Variants in FAAH2 observed in about 807,000 individuals in gnomAD.
FAAH2 encodes the protein fatty-acid amide hydrolase 2.
In FAAH2, 60 loss-of-function variants were observed where a neutral mutation model predicts 36.9. That is an observed-to-expected ratio of 1.63 (90% CI 1.32 to 2.02). The LOEUF is 2.02. Ranked by LOEUF, FAAH2 falls within the 30% of genes most tolerant of loss-of-function variation. The pLI is 0.00. For synonymous variants in FAAH2, 214 were observed against 143.8 expected, an observed-to-expected ratio of 1.49 and a Z score of -3.49; for missense variants, 689 against 397.5, an observed-to-expected ratio of 1.73 and a Z score of -6.23.
intron 3 of FAAH2, among the ~76,000 whole-genome samples, chrX:57,325,235 G>A (rs762810632): frequency 6.3e-5 from 7 of 111,831 alleles, no homozygotes; most frequent in Admixed American, 9.5e-5. Flanking sequence ...GCTGGATTCA[G>A]TTTGCCAGTA....
chrX:57,181,513 C>A, the FAAH2 span, among the ~76,000 whole-genome samples: 2 of 111,290 alleles, frequency 1.8e-5, no homozygotes, highest in Non-Finnish European at 3.8e-5. Flanking sequence ...CCTAGGCATA[C>A]AGCTAACCAG....
At chrX:57,444,100 A>C (rs1199294940) in intron 8 of FAAH2, among the ~76,000 whole-genome samples, 1 of 111,930 alleles carries the variant, frequency 8.9e-6, no homozygotes. Flanking sequence ...CTCAGATCTC[A>C]AACTGCATGC....
chrX:57,292,533 C>G lies in FAAH2; in HGVS notation c.228C>G (p.Asn76Lys). Reference sequence around the variant, plus strand: ...TAGATGTTGTTCAGGCTTATATCAACAGAATCAAGGACGTGAACCCAATGA... The same window carrying G: ...TAGATGTTGTTCAGGCTTATATCAAGAGAATCAAGGACGTGAACCCAATGA... ...KCIDVVQAYI[N>K]RIKDVNPMIN... is the part of the protein sequence containing the mutation. Residue 76 changes from asparagine (N) to lysine (K), a missense_variant, in exon 2 of 11, where the codon AAC becomes AAG. By Grantham distance (94) the Asn-to-Lys change is moderately conservative. Transcript: ENST00000374900. The G allele has an allele frequency of 1.7e-6, 2 of 1,210,000 alleles. No homozygotes were observed. The highest frequency in any genetic ancestry group is 1.7e-5 in the African/African-American group (1 of 57,780).
At chrX:57,336,950 T>C (rs2147033714) in intron 4 of FAAH2, among the ~76,000 whole-genome samples, 1 of 77,793 alleles carries the variant, frequency 1.3e-5, no homozygotes, top group African/African-American at 4.8e-5. Context: ...AATCAACGAA[T>C]CCAGGAGCTA....
intron 2 of FAAH2, among the ~76,000 whole-genome samples, chrX:57,306,718 GTGTGTGTGTGTGTA>G (rs1395509992): frequency 0.029 from 2,186 of 74,935 alleles, 88 homozygotes; most frequent in African/African-American, 0.11. Flanking sequence ...GTGTGTGTGT[GTGTGTGTGTGTGTA>G]TATATATACA....
the FAAH2 span, among the ~76,000 whole-genome samples, chrX:57,250,362 G>A: frequency 9.0e-6 from 1 of 111,352 alleles, no homozygotes; most frequent in Non-Finnish European, 1.9e-5. Context: ...AAATAGATAG[G>A]AATAAATTTA....
chrX:57,160,641 G>A, the FAAH2 span, among the ~76,000 whole-genome samples: 1 of 112,133 alleles, frequency 8.9e-6, no homozygotes, highest in Admixed American at 9.5e-5. Context: ...GGTGTTTATA[G>A]TATTCTCTGA....
chrX:57,264,723 G>A, the FAAH2 span, among the ~76,000 whole-genome samples: 606 of 112,105 alleles, frequency 5.4e-3, 4 homozygotes, highest in African/African-American at 0.017. Context: ...TCATAAACAC[G>A]CATGCACACA....
chrX:57,341,965 C>A (rs1884476560), intron 5 of FAAH2, among the ~76,000 whole-genome samples: 1 of 111,550 alleles, frequency 9.0e-6, no homozygotes, highest in Admixed American at 9.6e-5. Context: ...TCAAAGCAGA[C>A]TCCCTGCATT....
chrX:57,472,544 G>A (rs1023875186), intron 10 of FAAH2, among the ~76,000 whole-genome samples: 3 of 111,643 alleles, frequency 2.7e-5, no homozygotes, highest in Non-Finnish European at 5.7e-5. Context: ...AGCCTCAGTA[G>A]GATGACACCA....
At chrX:57,439,324 GT>G (rs1448025586) in intron 8 of FAAH2, among the ~76,000 whole-genome samples, 6 of 111,320 alleles carry the variant, frequency 5.4e-5, no homozygotes, top group Non-Finnish European at 1.9e-5. Flanking sequence ...TCTCATTGTG[GT>G]TTTGATTTGC....
At chrX:57,187,757 T>A in the FAAH2 span, among the ~76,000 whole-genome samples, 1 of 111,617 alleles carries the variant, frequency 9.0e-6, no homozygotes, top group East Asian at 2.8e-4. Flanking sequence ...CCTAGTTTTT[T>A]GAGAGTTTTT....
chrX:57,356,080 A>G (rs144029133), intron 5 of FAAH2, among the ~76,000 whole-genome samples: 5 of 111,120 alleles, frequency 4.5e-5, no homozygotes, highest in South Asian at 7.4e-4. Context: ...GGATTAATAC[A>G]TTGATTTTCA....
chrX:57,321,033 A>C (rs1253362360), intron 3 of FAAH2, among the ~76,000 whole-genome samples: 1 of 109,866 alleles, frequency 9.1e-6, no homozygotes, highest in African/African-American at 3.3e-5. Context: ...CCAGCTACTC[A>C]GGAGGCTGAG....
intron 2 of FAAH2, among the ~76,000 whole-genome samples, chrX:57,296,510 G>C (rs896641225): frequency 3.6e-5 from 4 of 111,490 alleles, no homozygotes; most frequent in Admixed American, 1.9e-4. Flanking sequence ...GAAAAAAACA[G>C]AGCGGAAAAA....
At chrX:57,400,424 C>T (rs367976854) in intron 7 of FAAH2, among the ~76,000 whole-genome samples, 15 of 112,396 alleles carry the variant, frequency 1.3e-4, no homozygotes, top group African/African-American at 4.5e-4. Context: ...GCTATTCCTG[C>T]TTTTTCTGTG....
chrX:57,476,293 T>C (rs897767893), intron 10 of FAAH2, among the ~76,000 whole-genome samples: 1 of 111,223 alleles, frequency 9.0e-6, no homozygotes, highest in Non-Finnish European at 1.9e-5. Flanking sequence ...AAGGGAATGC[T>C]TCCAGCTTTT....
chrX:57,309,307 T>A lies in FAAH2; in HGVS notation c.276-1286T>A, dbSNP rs192408758. ...TATAATCATAGCACCAAAAGAGTAG[T>A]TATTCACTGTTAATGTTTTGCTTAC... On this transcript the variant is annotated intron_variant, in intron 2 of 10. Transcript: ENST00000374900. Among the ~76,000 whole-genome samples, 702 of 111,734 alleles carry A rather than the reference T, an allele frequency of 6.3e-3. 6 individuals are homozygous for A. Among genetic ancestry groups the A allele is most frequent in the Middle Eastern group, 9.3e-3 (2 of 214 alleles).
the FAAH2 span, among the ~76,000 whole-genome samples, chrX:57,180,775 G>A: frequency 9.0e-6 from 1 of 111,296 alleles, no homozygotes; most frequent in African/African-American, 3.3e-5. Flanking sequence ...CCTCCCCACT[G>A]CATTCTATGA....
Sources: gnomAD v4.1 joint callset for allele counts (sites outside exome capture counted in the v4.1 genomes callset) on GRCh38, gnomAD v4.1.1 for gene constraint, MANE v1.5 for transcripts, NCBI Gene and HGNC (gene_info 2026-07-23, HGNC 2026-07-21) for gene names.